The following EXOC2 variants were observed in gnomAD, a reference collection of about 807,000 sequenced individuals.
EXOC2 encodes exocyst complex component 2, also known as SEC5-like 1.
In EXOC2, 70 loss-of-function variants were observed where a neutral mutation model predicts 131.8. The ratio of observed to expected loss-of-function variants is 0.53; its 90% CI spans 0.44 to 0.65. The LOEUF (loss-of-function observed/expected upper bound fraction) is 0.65. EXOC2 is among the 30% of genes least tolerant of loss of function. The pLI is 0.00. For missense variants in EXOC2, 923 were observed against 1,108.6 expected, an observed-to-expected ratio of 0.83 and a Z score of 2.38; for synonymous variants, 411 against 398.4, an observed-to-expected ratio of 1.03 and a Z score of -0.38.
chr6:556,582 T>C lies in EXOC2; in HGVS notation c.1852-18A>G, dbSNP rs778763143. On this transcript the variant is annotated intron_variant, in intron 17 of 27. Transcript: ENST00000230449. ...TGACATGGCTGAAGGGAAAACAGCA[T>C]ATTGTAAAACTCAAAAATGAGCACT... 19 of 1,613,620 alleles carry C rather than the reference T, an allele frequency of 1.2e-5. No individual in the cohort carries two copies. Among genetic ancestry groups the C allele is most frequent in the Non-Finnish European group, 1.5e-5 (18 of 1,179,824 alleles).
intron 7 of EXOC2, among the ~76,000 whole-genome samples, chr6:599,869 A>G (rs1581527524): frequency 6.7e-6 from 1 of 148,174 alleles, no homozygotes; most frequent in Non-Finnish European, 1.5e-5. Flanking sequence ...TTTTTTTTTC[A>G]CCTAAAAGAC....
intron 1 of EXOC2, chr6:679,114 T>A (rs1209710589): frequency 6.6e-6 from 1 of 152,068 alleles, no homozygotes; most frequent in Non-Finnish European, 1.5e-5. Context: ...GTGAACACAC[T>A]AAGTTCCTAG....
chr6:671,318 C>T (rs972039183), intron 1 of EXOC2, among the ~76,000 whole-genome samples: 2 of 148,410 alleles, frequency 1.3e-5, no homozygotes, highest in African/African-American at 2.5e-5. Flanking sequence ...GCCTGGGTGA[C>T]AGAGTGAGAC....
intron 13 of EXOC2, among the ~76,000 whole-genome samples, chr6:566,605 G>A (rs1757980575): frequency 6.6e-6 from 1 of 152,206 alleles, no homozygotes; most frequent in African/African-American, 2.4e-5. Context: ...TGGGGTATGG[G>A]CATCGAGCAA....
chr6:593,656 T>C (rs554102313), intron 10 of EXOC2, among the ~76,000 whole-genome samples: 6 of 152,336 alleles, frequency 3.9e-5, no homozygotes, highest in African/African-American at 1.2e-4. Flanking sequence ...TCCAAAAGCA[T>C]GTCCAAATGA....
At chr6:533,992 C>G (rs1015168726) in intron 22 of EXOC2, among the ~76,000 whole-genome samples, 3 of 152,166 alleles carry the variant, frequency 2.0e-5, no homozygotes, top group Admixed American at 2.0e-4. Flanking sequence ...AGAAAGAAAA[C>G]CCTCATGACG....
intron 25 of EXOC2, among the ~76,000 whole-genome samples, chr6:491,823 T>C (rs1243238853): frequency 6.6e-6 from 1 of 152,214 alleles, no homozygotes; most frequent in African/African-American, 2.4e-5. Context: ...TCAGCCATAC[T>C]CCAAAGCTAA....
intron 11 of EXOC2, among the ~76,000 whole-genome samples, chr6:578,338 C>T (rs561817834): frequency 3.9e-5 from 6 of 152,006 alleles, no homozygotes; most frequent in African/African-American, 7.2e-5. Context: ...ATTGCAGGCC[C>T]GGGGGATAAA....
chr6:683,608 A>G (rs1764511367), intron 1 of EXOC2, among the ~76,000 whole-genome samples: 1 of 152,260 alleles, frequency 6.6e-6, no homozygotes, highest in Non-Finnish European at 1.5e-5. Flanking sequence ...TTTCATTAAA[A>G]CTGTTAAACA....
At chr6:541,024 C>T (rs1051524117) in intron 22 of EXOC2, among the ~76,000 whole-genome samples, 1 of 152,174 alleles carries the variant, frequency 6.6e-6, no homozygotes, top group African/African-American at 2.4e-5. Flanking sequence ...ATGTGGTATC[C>T]AAAACGTAAG....
Position 637,685 on chromosome 6 carries a change from G to A in EXOC2, c.118+16C>T. 6.3e-7 allele frequency: 1 copy of A among 1,585,284 alleles called. No individual in the cohort carries two copies. The highest frequency in any genetic ancestry group is 8.6e-7 in the Non-Finnish European group (1 of 1,166,438). On this transcript the variant is annotated intron_variant, in intron 2 of 27. Transcript: ENST00000230449. Reference sequence around the variant, plus strand: ...AATCCGATTAGCAGGGTGCGTCGCAGGGCCTCTGCCCTTACCTATGAGGTC... The same window carrying A: ...AATCCGATTAGCAGGGTGCGTCGCAAGGCCTCTGCCCTTACCTATGAGGTC...
rs377221190 is a variant in EXOC2, at chr6:615,343, G to A, written c.661+2368C>T. Among the ~76,000 whole-genome samples the A allele has an allele frequency of 8.7e-4, 132 of 152,242 alleles. 1 individual carries two copies. Among genetic ancestry groups the A allele is most frequent in the African/African-American group, 3.1e-3 (129 of 41,556 alleles). Reference sequence around the variant, plus strand: ...CGAATGCACTCCTGCCTGGTGTGATGAAACAGGAAGCACAGCACTATCCAT... The same window carrying A: ...CGAATGCACTCCTGCCTGGTGTGATAAAACAGGAAGCACAGCACTATCCAT... On this transcript the variant is annotated intron_variant, in intron 6 of 27. Transcript: ENST00000230449.
chr6:492,091 C>G (rs1763467046), intron 25 of EXOC2, among the ~76,000 whole-genome samples: 1 of 152,082 alleles, frequency 6.6e-6, no homozygotes, highest in Admixed American at 6.5e-5. Context: ...GCTAGGAAAC[C>G]CTTCTTAGAA....
intron 1 of EXOC2, chr6:656,227 A>G: frequency 6.2e-7 from 1 of 1,614,226 alleles, no homozygotes. Flanking sequence ...TGTCCCTCCA[A>G]AAACTGCAGA....
intron 2 of EXOC2, among the ~76,000 whole-genome samples, chr6:635,818 T>C (rs1762073205): frequency 6.6e-6 from 1 of 152,258 alleles, no homozygotes; most frequent in South Asian, 2.1e-4. Flanking sequence ...ATGCCAGCAC[T>C]TTGGGAGACC....
chr6:568,506 C>T (rs1270576698), intron 13 of EXOC2, among the ~76,000 whole-genome samples: 7 of 152,168 alleles, frequency 4.6e-5, no homozygotes, highest in African/African-American at 1.7e-4. Flanking sequence ...ATGACATGTG[C>T]CAACCCCTTA....
chr6:590,023 G>A (rs1313387822), intron 11 of EXOC2, among the ~76,000 whole-genome samples: 1 of 152,144 alleles, frequency 6.6e-6, no homozygotes, highest in Non-Finnish European at 1.5e-5. Context: ...GCTGAGGCAG[G>A]AGAATGGTGT....
intron 27 of EXOC2, among the ~76,000 whole-genome samples, chr6:488,027 G>T (rs1398461992): frequency 6.6e-6 from 1 of 152,216 alleles, no homozygotes; most frequent in Non-Finnish European, 1.5e-5. Context: ...GAGGATGGAA[G>T]TTAGAGAAGC....
chr6:515,704 C>T (rs1160430278), intron 23 of EXOC2, among the ~76,000 whole-genome samples: 2 of 149,962 alleles, frequency 1.3e-5, no homozygotes, highest in Non-Finnish European at 3.0e-5. Flanking sequence ...AATCATACAA[C>T]GATTTCCAAC....
Sources: gnomAD v4.1 joint callset for allele counts (sites outside exome capture counted in the v4.1 genomes callset) on GRCh38, gnomAD v4.1.1 for gene constraint, MANE v1.5 for transcripts, NCBI Gene and HGNC (gene_info 2026-07-23, HGNC 2026-07-21) for gene names.